DGKK: variants seen among roughly 807,000 people sequenced by gnomAD.
The protein encoded by DGKK is 142 kDa diacylglycerol kinase.
DGKK carries 35 observed loss-of-function variants against 92.2 expected under a neutral mutation model. The ratio of observed to expected loss-of-function variants is 0.38; its 90% confidence interval spans 0.29 to 0.50. The LOEUF (loss-of-function observed/expected upper bound fraction) is 0.50, where lower values mean the gene tolerates loss of function less well. DGKK is among the 20% of genes least tolerant of loss of function. The pLI is 0.92. For missense variants in DGKK, 910 were observed against 992.2 expected, an observed-to-expected ratio of 0.92 and a Z score of 1.11; for synonymous variants, 368 against 360.6, an observed-to-expected ratio of 1.02 and a Z score of -0.23.
intron 1 of DGKK, among the ~76,000 whole-genome samples, chrX:50,467,734 T>C (rs1320823642): frequency 8.9e-6 from 1 of 112,650 alleles, no homozygotes; most frequent in African/African-American, 3.2e-5. Context: ...GTGCCATTTG[T>C]CTGAGGAAGA....
chrX:50,376,612 T>C (rs374649825), intron 23 of DGKK, 146 bp downstream of exon 23: 3 of 490,292 alleles, frequency 6.1e-6, no homozygotes, highest in Non-Finnish European at 9.7e-6. Context: ...CCTGCCTGGA[T>C]TGTGAGGGTC....
Position 50,393,174 on chromosome X carries a change from A to G in DGKK, c.1573T>C (p.Leu525=), listed in dbSNP as rs782284313. The G allele has an allele frequency of 8.3e-7, 1 of 1,208,253 alleles. No individual in the cohort carries two copies. The highest frequency in any genetic ancestry group is 1.7e-5 in the African/African-American group (1 of 57,243). The part of the protein sequence containing the change: ...YLNPSQVFDL[L]KGGPEAGLSM... Reference sequence around the variant, plus strand: ...TACCCTGCTTCAGGTCCACCCTTCAATAAGTCGAACACTTGAGATGGGTTA... The same window carrying G: ...TACCCTGCTTCAGGTCCACCCTTCAGTAAGTCGAACACTTGAGATGGGTTA... The change falls in exon 9 of 28, where the codon TTG becomes CTG. Residue 525 remains leucine (L), a synonymous_variant. Transcript: ENST00000611977.
Position 50,470,567 on chromosome X carries a change from C to A in DGKK, c.112G>T (p.Ala38Ser), listed in dbSNP as rs782348058. 13 of 1,203,289 alleles carry A rather than the reference C, an allele frequency of 1.1e-5. No homozygotes were observed. The highest frequency in any genetic ancestry group is 1.3e-5 in the Non-Finnish European group (12 of 893,204). Reference sequence around the variant, plus strand: ...AGCAGCGGCGGAGCCGGCGGCGGAGCCGGTGGTGGTGGCGGCGGCGGCCAA... The same window carrying A: ...AGCAGCGGCGGAGCCGGCGGCGGAGACGGTGGTGGTGGCGGCGGCGGCCAA... Reference protein sequence around the residue: ...PPWPPPPPPPAPPPAPPLLSE... With the variant: ...PPWPPPPPPPSPPPAPPLLSE... The change falls in exon 1 of 28, where the codon GCT becomes TCT. Residue 38 changes from alanine to serine, a missense_variant. Physicochemically the swap from Ala to Ser is moderately conservative, Grantham distance 99. Transcript: ENST00000611977.
chrX:50,393,112 C>T, intron 9 of DGKK, 40 bp downstream of exon 9: 3 of 1,087,683 alleles, frequency 2.8e-6, no homozygotes, highest in Non-Finnish European at 3.8e-6. Flanking sequence ...AAGGAAGACT[C>T]CCTTACATAC....
intron 1 of DGKK, among the ~76,000 whole-genome samples, chrX:50,468,231 G>T (rs1041820010): frequency 2.7e-5 from 3 of 112,152 alleles, no homozygotes; most frequent in African/African-American, 9.7e-5. Context: ...GGTCCTGGTC[G>T]CCAGTCAGCC....
At chrX:50,412,416 T>C (rs782095600) in intron 4 of DGKK, among the ~76,000 whole-genome samples, 4 of 112,176 alleles carry the variant, frequency 3.6e-5, no homozygotes, top group Non-Finnish European at 7.5e-5. Flanking sequence ...ATGCAATCCC[T>C]ATCAAAATTC....
chrX:50,440,424 T>C (rs534213819), intron 1 of DGKK, among the ~76,000 whole-genome samples: 11 of 111,816 alleles, frequency 9.8e-5, no homozygotes, highest in Middle Eastern at 4.6e-3. Context: ...ATCTATGACT[T>C]TACTGGACAG....
chrX:50,391,170 T>C (rs953360002), intron 11 of DGKK, among the ~76,000 whole-genome samples: 2 of 111,098 alleles, frequency 1.8e-5, no homozygotes, highest in African/African-American at 6.6e-5. Flanking sequence ...CAGACTGGAA[T>C]GCATTGGCAT....
At chrX:50,453,319 G>A (rs1557232603) in intron 1 of DGKK, among the ~76,000 whole-genome samples, 1 of 111,638 alleles carries the variant, frequency 9.0e-6, no homozygotes, top group Admixed American at 9.6e-5. Context: ...TTTCTCATCT[G>A]CACAATGGGA....
At position 50,470,088 on chromosome X, in the gene DGKK, T is replaced by C. The variant is rs1557234347; in HGVS notation, c.591A>G (p.Pro197=). ...DTRERGLKTS[P]SPSPSPSPRT... is the part of the protein sequence containing the mutation. ...TGGGCGATGGCGATGGCGATGGCGA[T>C]GGCGAGGTCTTTAGACCTCTCTCTC... Residue 197 remains proline, a synonymous_variant, in exon 1 of 28, where the codon CCA becomes CCG. Transcript: ENST00000611977. The C allele has an allele frequency of 5.8e-6, 7 of 1,205,124 alleles. No individual in the cohort carries two copies. Among genetic ancestry groups the C allele is most frequent in the East Asian group, 3.0e-5 (1 of 33,748 alleles).
rs372968387 is a variant in DGKK, at chrX:50,380,064, T to C, written c.2671A>G (p.Asn891Asp). The C allele has an allele frequency of 3.3e-6, 4 of 1,207,970 alleles. No homozygotes were observed. The African/African-American group carries it at 7.0e-5, about 21-fold the overall frequency. The change falls in exon 19 of 28, where the codon AAC (asparagine) becomes GAC (aspartate). Residue 891 changes from asparagine (N) to aspartate (D), a missense_variant. Asn to Asp is a conservative substitution (Grantham distance 23). Transcript: ENST00000611977. ...HPGQYNSRLK[N>D]KMWYGLLGTK... ...CCCAGAAGGCCATACCACATCTTGT[T>C]CTTAAGGCGGCTACTACATGGAGGT...
intron 25 of DGKK, among the ~76,000 whole-genome samples, chrX:50,372,167 G>A (rs1220175536): frequency 1.8e-5 from 2 of 112,233 alleles, no homozygotes; most frequent in African/African-American, 6.5e-5. Flanking sequence ...ACATCTCAGT[G>A]TTCCCCTAAG....
At chrX:50,371,077 T>A (rs1370140303) in intron 26 of DGKK, among the ~76,000 whole-genome samples, 7 of 112,923 alleles carry the variant, frequency 6.2e-5, no homozygotes, top group African/African-American at 2.2e-4. Context: ...GAGAGTTCTC[T>A]AAACATAACT....
intron 1 of DGKK, among the ~76,000 whole-genome samples, chrX:50,427,260 A>G (rs1557229802): frequency 1.8e-5 from 2 of 111,160 alleles, no homozygotes; most frequent in African/African-American, 6.5e-5. Flanking sequence ...AAAAGGCTAC[A>G]TTAACTATAT....
intron 1 of DGKK, among the ~76,000 whole-genome samples, chrX:50,461,780 C>T (rs141812873): frequency 8.9e-6 from 1 of 111,947 alleles, no homozygotes; most frequent in Admixed American, 9.4e-5. Flanking sequence ...TATCAGTTTA[C>T]GTTTTAAAGA....
intron 1 of DGKK, 69 bp downstream of exon 1, chrX:50,469,965 C>T: frequency 1.8e-6 from 2 of 1,124,314 alleles, no homozygotes; most frequent in Non-Finnish European, 2.3e-6. Context: ...TACCCGGAGT[C>T]CCGCGGGCTC....
Position 50,368,977 on chromosome X carries a change from C to T in DGKK, c.3779G>A (p.Gly1260Asp). The stretch of plus-strand genomic sequence containing the variant: ...TCTCGATGGTGTTAGAGGATCATCA[C>T]CCTCTGCTTCATCTTCACGATGTCT... ...HRRHREDEAEGDDPLTPSRSQ... is the reference protein window; with the variant it reads ...HRRHREDEAEDDDPLTPSRSQ... The change falls in exon 28 of 28, where the codon GGT becomes GAT. Residue 1260 changes from glycine (G) to aspartate (D), a missense_variant. Physicochemically the swap from Gly to Asp is moderately conservative, Grantham distance 94. Coordinates refer to ENST00000611977, the MANE Select transcript of DGKK (RefSeq NM_001013742.4). 1 of 1,208,617 alleles carries T rather than the reference C, an allele frequency of 8.3e-7. No individual in the cohort carries two copies. Among genetic ancestry groups the T allele is most frequent in the Non-Finnish European group, 1.1e-6 (1 of 894,036 alleles).
In DGKK at chrX:50,384,264, C is replaced by A; in HGVS notation, c.2453G>T (p.Arg818Leu). 2 of 1,148,894 alleles carry A rather than the reference C, an allele frequency of 1.7e-6. No homozygotes were observed. The highest frequency in any genetic ancestry group is 2.3e-6 in the Non-Finnish European group (2 of 855,829). 94.7% of individuals were successfully genotyped at this position (1,148,894 alleles called of 1,213,427 possible). The change falls in exon 17 of 28, where the codon CGT (arginine) becomes CTT (leucine). Residue 818 changes from arginine (R) to leucine (L), a missense_variant and splice_region_variant. By Grantham distance (102) the Arg-to-Leu change is moderately radical. Transcript: ENST00000611977. Reference sequence around the variant, plus strand: ...AGAAGACAAAGTGCCACGACGAGAACCTAGACACAAAAGACATCACTTGGG... The same window carrying A: ...AGAAGACAAAGTGCCACGACGAGAAACTAGACACAAAAGACATCACTTGGG... ...EDINQTSPRRRSRRGTLSSIS... is the reference protein window; with the variant it reads ...EDINQTSPRRLSRRGTLSSIS...
chrX:50,469,902 C>A, intron 1 of DGKK, 132 bp downstream of exon 1: 2 of 1,050,984 alleles, frequency 1.9e-6, no homozygotes, highest in Non-Finnish European at 2.5e-6. Context: ...CCCATCCCTG[C>A]ATCTTTCTCA....
Sources: gnomAD v4.1 joint callset for allele counts (sites outside exome capture counted in the v4.1 genomes callset) on GRCh38, gnomAD v4.1.1 for gene constraint, MANE v1.5 for transcripts, NCBI Gene and HGNC (gene_info 2026-07-23, HGNC 2026-07-21) for gene names.